Variants in USP15 observed in about 807,000 individuals in gnomAD.
USP15 encodes the protein ubiquitin carboxyl-terminal hydrolase 15.
USP15 carries 18 observed loss-of-function variants against 127.1 expected under a neutral mutation model. That is an observed-to-expected ratio of 0.14 (90% CI 0.10 to 0.21). The LOEUF (loss-of-function observed/expected upper bound fraction) is 0.21, where lower values mean the gene tolerates loss of function less well. Ranked by LOEUF, USP15 falls within the 10% of genes least tolerant of loss-of-function variation. The pLI is 1.00. For missense variants in USP15, 805 were observed against 1,159.9 expected, an observed-to-expected ratio of 0.69 and a Z score of 4.44; for synonymous variants, 364 against 393.7, an observed-to-expected ratio of 0.92 and a Z score of 0.89.
chr12:62,292,005 G>A lies in USP15; in HGVS notation c.90-2174G>A, dbSNP rs553961369. Among the ~76,000 whole-genome samples, 21 of 152,306 alleles carry A rather than the reference G, an allele frequency of 1.4e-4. 1 individual carries two copies. Among genetic ancestry groups the A allele is most frequent in the Middle Eastern group, 6.8e-3 (2 of 294 alleles). ...CTTCAGTGGTAACAGTGGGGTTTAC[G>A]CTTGACCTTTGTTTGCCAGGGAAAG... On this transcript the variant is annotated intron_variant, in intron 1 of 21. Coordinates refer to ENST00000280377, the MANE Select transcript of USP15 (RefSeq NM_001252078.2).
chr12:62,391,032 G>C, intron 15 of USP15, 53 bp downstream of exon 15: 1 of 1,555,784 alleles, frequency 6.4e-7, no homozygotes, highest in Non-Finnish European at 8.7e-7. Context: ...AATTGCCTCA[G>C]AGAAAAAGTT....
chr12:62,273,320 A>G (rs187345166), intron 1 of USP15, among the ~76,000 whole-genome samples: 1 of 152,116 alleles, frequency 6.6e-6, no homozygotes, highest in Admixed American at 6.6e-5. Context: ...GCACTTAACA[A>G]TATTTTATTA....
intron 3 of USP15, among the ~76,000 whole-genome samples, chr12:62,313,010 C>T (rs185998687): frequency 1.0e-3 from 157 of 151,490 alleles, no homozygotes; most frequent in Non-Finnish European, 1.3e-3. Flanking sequence ...TGACAACAAA[C>T]TCATATTTTT....
intron 2 of USP15, among the ~76,000 whole-genome samples, chr12:62,295,064 G>C (rs753368616): frequency 1.2e-4 from 19 of 152,136 alleles, no homozygotes; most frequent in South Asian, 8.3e-4. Context: ...TGCAGTCTAG[G>C]AAAACCAAGG....
At chr12:62,382,280 G>C (rs1165501518) in intron 9 of USP15, among the ~76,000 whole-genome samples, 1 of 129,764 alleles carries the variant, frequency 7.7e-6, no homozygotes, top group Non-Finnish European at 1.7e-5. Context: ...CTGAAATTTA[G>C]CTTTATATTG....
intron 6 of USP15, among the ~76,000 whole-genome samples, chr12:62,330,216 A>T (rs2065249289): frequency 1.3e-5 from 2 of 152,104 alleles, no homozygotes; most frequent in Admixed American, 1.3e-4. Context: ...TCACTTGCTA[A>T]ATTTATTTAT....
At chr12:62,350,982 C>T (rs1162827742) in intron 7 of USP15, among the ~76,000 whole-genome samples, 1 of 151,920 alleles carries the variant, frequency 6.6e-6, no homozygotes, top group Admixed American at 6.6e-5. Flanking sequence ...TAAATTAAAA[C>T]CATGAAAAAC....
intron 1 of USP15, among the ~76,000 whole-genome samples, chr12:62,268,234 A>G (rs546477173): frequency 6.6e-6 from 1 of 152,218 alleles, no homozygotes; most frequent in Admixed American, 6.5e-5. Flanking sequence ...TTAAATGTAT[A>G]TGGTCATAAC....
chr12:62,325,800 C>A, intron 5 of USP15, 72 bp from the exon 6 acceptor site: 2 of 1,274,878 alleles, frequency 1.6e-6, no homozygotes, highest in Non-Finnish European at 2.2e-6. Context: ...CTTAGTTTAT[C>A]CAGCTATCTT....
intron 6 of USP15, chr12:62,335,708 G>C (rs1180141090): frequency 2.0e-6 from 2 of 985,298 alleles, no homozygotes; most frequent in Non-Finnish European, 2.4e-6. Context: ...CCATCCTTAA[G>C]CTTTTTTTTC....
chr12:62,391,948 A>G (rs1223953657), intron 17 of USP15, 62 bp downstream of exon 17: 4 of 1,398,612 alleles, frequency 2.9e-6, no homozygotes, highest in East Asian at 2.4e-5. Flanking sequence ...ATTACCAGAG[A>G]TAATCATACT....
chr12:62,339,008 A>C lies in USP15; in HGVS notation c.684-10213A>C, dbSNP rs2065569461. 3.3e-5 allele frequency among the ~76,000 whole-genome samples: 5 copies of C among 152,198 alleles called. No individual in the cohort carries two copies. The South Asian group carries it at 8.3e-4, about 25-fold the overall frequency. On this transcript the variant is annotated intron_variant, in intron 6 of 21. Coordinates refer to ENST00000280377, the MANE Select transcript of USP15 (RefSeq NM_001252078.2). ...GTAGTTTTTTCTAATTCTGTGAAGAATGTCAATGTCAATTCAATGGGGATA... is the reference window on the plus strand; with the variant it reads ...GTAGTTTTTTCTAATTCTGTGAAGACTGTCAATGTCAATTCAATGGGGATA...
intron 8 of USP15, among the ~76,000 whole-genome samples, chr12:62,376,714 A>G (rs1301817120): frequency 2.0e-5 from 3 of 152,200 alleles, no homozygotes; most frequent in Admixed American, 6.5e-5. Flanking sequence ...AAGAACAACC[A>G]TGGCTGTTGC....
chr12:62,317,674 A>T (rs746104758), intron 4 of USP15, among the ~76,000 whole-genome samples: 1 of 152,202 alleles, frequency 6.6e-6, no homozygotes, highest in Non-Finnish European at 1.5e-5. Flanking sequence ...AGCTGTATAA[A>T]TTTTATGAAC....
intron 1 of USP15, among the ~76,000 whole-genome samples, chr12:62,264,125 C>T (rs916951566): frequency 2.6e-5 from 4 of 152,094 alleles, no homozygotes; most frequent in African/African-American, 7.2e-5. Context: ...GCTGGGCCTG[C>T]AGGCACATGC....
rs553169087 is a variant in USP15 at position 62,310,766 on chromosome 12, A to G, written c.349-4024A>G. On this transcript the variant is annotated intron_variant, in intron 3 of 21. Coordinates refer to ENST00000280377, the MANE Select transcript of USP15 (RefSeq NM_001252078.2). ...ATGCGGTAGTAGGATTGCTGGATTCAATGGTAATTCTGTTTTTAGATTTTT... is the reference window on the plus strand; with the variant it reads ...ATGCGGTAGTAGGATTGCTGGATTCGATGGTAATTCTGTTTTTAGATTTTT... Among the ~76,000 whole-genome samples, 3 of 112,090 alleles carry G rather than the reference A, an allele frequency of 2.7e-5. No individual in the cohort carries two copies. The East Asian group carries it at 7.7e-4, about 29-fold the overall frequency. The allele number at this position is 112,090 out of a possible 152,430, so 73.5% of individuals were successfully genotyped here. A position where few individuals can be genotyped will look rare whatever the true frequency, so the allele number is the denominator to read the frequency against.
At position 62,338,164 on chromosome 12, in the gene USP15, A is replaced by G. The variant is rs184560939; in HGVS notation, c.684-11057A>G. On this transcript the variant is annotated intron_variant, in intron 6 of 21. Transcript: ENST00000280377. ...TCTTTTGTTTCCTGACTTTTTAATAATCACTATTCTGACTGGTGTGAGATG... is the reference window on the plus strand; with the variant it reads ...TCTTTTGTTTCCTGACTTTTTAATAGTCACTATTCTGACTGGTGTGAGATG... Among the ~76,000 whole-genome samples the G allele has an allele frequency of 2.0e-4, 31 of 152,242 alleles. No homozygotes were observed. In the East Asian group the frequency reaches 5.6e-3, roughly 28 times the overall value.
chr12:62,390,098 G>A (rs2067274895), intron 14 of USP15, 110 bp downstream of exon 14: 1 of 1,139,112 alleles, frequency 8.8e-7, no homozygotes, highest in Non-Finnish European at 1.2e-6. Flanking sequence ...ATTCAAGTCT[G>A]TATTATCTCA....
At position 62,283,529 on chromosome 12, in the gene USP15, A is replaced by G. The variant is rs998435872; in HGVS notation, c.90-10650A>G. ...ACAATAGGAATACAATTAGAAAGGA[A>G]TGATTAAACACATTATTTGCAGCAA... On this transcript the variant is annotated intron_variant, in intron 1 of 21. Transcript: ENST00000280377. Among the ~76,000 whole-genome samples, 5 of 152,242 alleles carry G rather than the reference A, an allele frequency of 3.3e-5. No homozygotes were observed. In the South Asian group the frequency reaches 8.3e-4, roughly 25 times the overall value.
Sources: gnomAD v4.1 joint callset for allele counts (sites outside exome capture counted in the v4.1 genomes callset) on GRCh38, gnomAD v4.1.1 for gene constraint, MANE v1.5 for transcripts, NCBI Gene and HGNC (gene_info 2026-07-23, HGNC 2026-07-21) for gene names.